The following OSBPL3 variants were observed in gnomAD, a reference collection of about 807,000 sequenced individuals.
OSBPL3 encodes the protein oxysterol binding protein like 3, also known as oxysterol-binding protein-related protein 3.
Under a neutral mutation model 120.1 loss-of-function variants are expected in OSBPL3, and 65 were observed. That is an observed-to-expected ratio of 0.54 (90% CI 0.44 to 0.67). The LOEUF is 0.67. Ranked by LOEUF, OSBPL3 falls within the 30% of genes least tolerant of loss-of-function variation. The pLI is 0.00. For synonymous variants in OSBPL3, 416 were observed against 402.6 expected (o/e 1.03, Z -0.40); for missense variants, 1,004 against 1,082.1 (o/e 0.93, Z 1.01).
In OSBPL3 at chr7:24,936,185, T is replaced by C. The variant is rs1336911566; in HGVS notation, c.-149-43564A>G. Among the ~76,000 whole-genome samples, 3 of 152,110 alleles carry C rather than the reference T, an allele frequency of 2.0e-5. No individual in the cohort carries two copies. The highest frequency in any genetic ancestry group is 4.8e-5 in the African/African-American group (2 of 41,412). On this transcript the variant is annotated intron_variant, in intron 1 of 22. Transcript: ENST00000313367. The surrounding 1 kb of genome is among the most constrained non-coding windows in gnomAD (Gnocchi z 4.2). Reference sequence around the variant, plus strand: ...TTAAGTTACTGGTTCCAGTAAAAGATAAACTTGAAAAGTTCTTCCCCATGA... The same window carrying C: ...TTAAGTTACTGGTTCCAGTAAAAGACAAACTTGAAAAGTTCTTCCCCATGA...
chr7:24,967,614 A>G lies in OSBPL3; in HGVS notation c.-150+12272T>C, dbSNP rs1361915165. 2.0e-5 allele frequency among the ~76,000 whole-genome samples: 3 copies of G among 152,214 alleles called. No homozygotes were observed. Among genetic ancestry groups the G allele is most frequent in the African/African-American group, 7.2e-5 (3 of 41,452 alleles). ...GTGTCTCACTTCCAGCAAATACTTC[A>G]TTAAGAAACTACCATTATTATTATT... On this transcript the variant is annotated intron_variant, in intron 1 of 22. Coordinates refer to ENST00000313367, the MANE Select transcript of OSBPL3 (RefSeq NM_015550.4). This position sits in a 1 kb window ranked among gnomAD's most constrained non-coding sequence, Gnocchi z 5.6.
Position 24,819,166 on chromosome 7 carries a change from T to G in OSBPL3, c.1948+1009A>C, listed in dbSNP as rs1794818484. Among the ~76,000 whole-genome samples, 1 of 147,902 alleles carries G rather than the reference T, an allele frequency of 6.8e-6. No homozygotes were observed. Among genetic ancestry groups the G allele is most frequent in the Non-Finnish European group, 1.5e-5 (1 of 67,648 alleles). Reference sequence around the variant, plus strand: ...TACTCGGGAGGCTGAGACAGGAGAATCACTTGAACACGGGAGACGGAGGTT... The same window carrying G: ...TACTCGGGAGGCTGAGACAGGAGAAGCACTTGAACACGGGAGACGGAGGTT... On this transcript the variant is annotated intron_variant, in intron 17 of 22. Transcript: ENST00000313367. The surrounding 1 kb of genome is among the most constrained non-coding windows in gnomAD (Gnocchi z 4.1).
intron 16 of OSBPL3, among the ~76,000 whole-genome samples, chr7:24,829,315 T>C (rs1796094588): frequency 6.6e-6 from 1 of 152,220 alleles, no homozygotes; most frequent in South Asian, 2.1e-4. Flanking sequence ...TAACTACTGA[T>C]TTAACTCCCT....
rs200585143 is a variant in OSBPL3, at chr7:24,872,448, A to T, written c.97-379T>A. On this transcript the variant is annotated intron_variant, in intron 2 of 22. Transcript: ENST00000313367. This position sits in a 1 kb window ranked among gnomAD's most constrained non-coding sequence, Gnocchi z 4.1. The stretch of plus-strand genomic sequence containing the variant: ...TCAGTCTGAATTTTAACCGAAAGAG[A>T]GTGTGTGTGTGTGTGTGTGTGTGTG... Among the ~76,000 whole-genome samples, 12,656 of 144,960 alleles carry T rather than the reference A, an allele frequency of 0.087. 630 individuals are homozygous for T. Among genetic ancestry groups the T allele is most frequent in the South Asian group, 0.13 (594 of 4,544 alleles).
intron 1 of OSBPL3, among the ~76,000 whole-genome samples, chr7:24,931,461 A>G (rs1387026176): frequency 2.0e-5 from 3 of 152,112 alleles, no homozygotes; most frequent in Non-Finnish European, 4.4e-5. Context: ...GGGCGTCAGG[A>G]GATGTAGAAG....
chr7:24,976,892 T>C (rs1191280013), intron 1 of OSBPL3, among the ~76,000 whole-genome samples: 1 of 152,164 alleles, frequency 6.6e-6, no homozygotes, highest in South Asian at 2.1e-4. Flanking sequence ...AAAGAAGGAA[T>C]CACTAATTCC....
At position 24,824,601 on chromosome 7, in the gene OSBPL3, C is replaced by T. The variant is rs1282924644; in HGVS notation, c.1885-4363G>A. ...CCAAGTGGCCATTCTTTCCAGGTCA[C>T]TCATCAAGTACTTATTGATTGCCTG... On this transcript the variant is annotated intron_variant, in intron 16 of 22. Transcript: ENST00000313367. This position sits in a 1 kb window ranked among gnomAD's most constrained non-coding sequence, Gnocchi z 4.9. Among the ~76,000 whole-genome samples the T allele has an allele frequency of 6.6e-6, 1 of 152,184 alleles. No individual in the cohort carries two copies. Among genetic ancestry groups the T allele is most frequent in the East Asian group, 1.9e-4 (1 of 5,200 alleles).
Position 24,861,738 on chromosome 7 carries a change from A to T in OSBPL3, c.902T>A (p.Leu301Gln). 1 of 1,604,490 alleles carries T rather than the reference A, an allele frequency of 6.2e-7. No individual in the cohort carries two copies. Among genetic ancestry groups the T allele is most frequent in the Non-Finnish European group, 8.5e-7 (1 of 1,176,420 alleles). ...VPKPFSGPVRLHSSNPNLSTL... is the reference protein window; with the variant it reads ...VPKPFSGPVRQHSSNPNLSTL... ...TGACAAATTAGGATTGGAGGAGTGTAGTCTTACTGGGCCAGAAAAAGGTTT... is the reference window on the plus strand; with the variant it reads ...TGACAAATTAGGATTGGAGGAGTGTTGTCTTACTGGGCCAGAAAAAGGTTT... The change falls in exon 10 of 23, where the codon CTA becomes CAA. Residue 301 changes from leucine (L) to glutamine (Q), a missense_variant. By Grantham distance (113) the Leu-to-Gln change is moderately radical. Transcript: ENST00000313367.
rs1800956268 is a variant in OSBPL3 at position 24,863,992 on chromosome 7, C to T, written c.674-393G>A. On this transcript the variant is annotated intron_variant, in intron 7 of 22. Coordinates refer to ENST00000313367, the MANE Select transcript of OSBPL3 (RefSeq NM_015550.4). The surrounding 1 kb of genome is among the most constrained non-coding windows in gnomAD (Gnocchi z 5.8). ...ACAGAGTAAGAACTAAATAAATCAA[C>T]CATCATCATCATCATCATCACCAAC... 6.6e-6 allele frequency among the ~76,000 whole-genome samples: 1 copy of T among 152,042 alleles called. No homozygotes were observed. Among genetic ancestry groups the T allele is most frequent in the Non-Finnish European group, 1.5e-5 (1 of 68,004 alleles).
chr7:24,800,233 G>A lies in OSBPL3; in HGVS notation c.2614C>T (p.Leu872Phe), dbSNP rs1205899513. ...SWVSNGTYLE[L>F]RKDLGFSKLD... ...TTGGAAAAACCAAGATCTTTTCTAA[G>A]TTCCAAATAGGTGCCGTTGCTCACC... is the stretch of plus-strand genomic sequence containing the variant. Residue 872 changes from leucine (L) to phenylalanine (F), a missense_variant, in exon 23 of 23, where the codon CTT (leucine) becomes TTT (phenylalanine). By Grantham distance (22) the Leu-to-Phe change is conservative. This residue lies in a region of OSBPL3 where 473 missense variants were observed against 568.0 expected (regional missense o/e 0.83). Transcript: ENST00000313367. 1.9e-6 allele frequency: 3 copies of A among 1,612,460 alleles called. No homozygotes were observed. Among genetic ancestry groups the A allele is most frequent in the African/African-American group, 2.7e-5 (2 of 74,870 alleles).
At chr7:24,976,926 G>C (rs769269479) in intron 1 of OSBPL3, among the ~76,000 whole-genome samples, 10 of 152,246 alleles carry the variant, frequency 6.6e-5, no homozygotes, top group South Asian at 2.1e-4. Context: ...GTTTTGCCAT[G>C]AGCCCCTTAG....
chr7:24,864,550 A>T lies in OSBPL3; in HGVS notation c.673+792T>A, dbSNP rs530261318. Among the ~76,000 whole-genome samples the T allele has an allele frequency of 3.9e-5, 6 of 152,306 alleles. No individual in the cohort carries two copies. In the East Asian group the frequency reaches 1.2e-3, roughly 29 times the overall value. ...TAAAGCCTACATGGTCCCAAGGGTG[A>T]TATTACCTGTATTCAACAAGAGATA... On this transcript the variant is annotated intron_variant, in intron 7 of 22. Transcript: ENST00000313367.
chr7:24,944,346 T>C (rs1475490477), intron 1 of OSBPL3, among the ~76,000 whole-genome samples: 1 of 152,138 alleles, frequency 6.6e-6, no homozygotes, highest in African/African-American at 2.4e-5. Flanking sequence ...AATGCCATGG[T>C]GGCCGGGCGC....
At position 24,842,423 on chromosome 7, in the gene OSBPL3, G is replaced by A. The variant is rs1338728781; in HGVS notation, c.1267-10C>T. On this transcript the variant is annotated splice_polypyrimidine_tract_variant and intron_variant, in intron 12 of 22. Coordinates refer to ENST00000313367, the MANE Select transcript of OSBPL3 (RefSeq NM_015550.4). ...CATCTCTGGAGTTTTCCTATTTGAA[G>A]AACAAAACCAAAAATGTATACATTT... The A allele has an allele frequency of 2.5e-6, 4 of 1,580,056 alleles. No homozygotes were observed. Among genetic ancestry groups the A allele is most frequent in the Admixed American group, 3.9e-5 (2 of 51,804 alleles).
chr7:24,925,900 G>A (rs879700989), intron 1 of OSBPL3, among the ~76,000 whole-genome samples: 2 of 152,160 alleles, frequency 1.3e-5, no homozygotes, highest in Non-Finnish European at 2.9e-5. Flanking sequence ...TAGTTTCCAC[G>A]GATCACTATA....
Position 24,872,165 on chromosome 7 carries a change from G to A in OSBPL3, c.97-96C>T, listed in dbSNP as rs867433146. On this transcript the variant is annotated intron_variant, in intron 2 of 22. Coordinates refer to ENST00000313367, the MANE Select transcript of OSBPL3 (RefSeq NM_015550.4). This position sits in a 1 kb window ranked among gnomAD's most constrained non-coding sequence, Gnocchi z 4.1. Reference sequence around the variant, plus strand: ...TCCTGTCAGTAAATTTATTCAAGATGGGGAGGCTGGCTGGGTTTGTTGGGG... The same window carrying A: ...TCCTGTCAGTAAATTTATTCAAGATAGGGAGGCTGGCTGGGTTTGTTGGGG... The A allele has an allele frequency of 1.1e-6, 1 of 879,412 alleles. No homozygotes were observed. 54.5% of individuals were successfully genotyped at this position (879,412 alleles called of 1,614,324 possible).
rs79375325 is a variant in OSBPL3 at position 24,926,714 on chromosome 7, C to A, written c.-149-34093G>T. 6.2e-3 allele frequency among the ~76,000 whole-genome samples: 944 copies of A among 152,330 alleles called. 8 individuals are homozygous for A. Among genetic ancestry groups the A allele is most frequent in the African/African-American group, 0.021 (877 of 41,578 alleles). ...CATCCCCAGGCTGGCATGCACCAGG[C>A]TGCCCTTGCATATACCTTGTATATA... On this transcript the variant is annotated intron_variant, in intron 1 of 22. Transcript: ENST00000313367.
At chr7:24,963,814 T>C (rs185359869) in intron 1 of OSBPL3, among the ~76,000 whole-genome samples, 1 of 152,302 alleles carries the variant, frequency 6.6e-6, no homozygotes, top group East Asian at 1.9e-4. Flanking sequence ...TAGTAAACCA[T>C]GTAGTGGGTG....
rs1209066334 is a variant in OSBPL3, at chr7:24,877,602, C to T, written c.97-5533G>A. Reference sequence around the variant, plus strand: ...AAATAGGGGCCGAAATAAATGTTTACTGAATGAGTCTGCAAAGCAAGGGGG... The same window carrying T: ...AAATAGGGGCCGAAATAAATGTTTATTGAATGAGTCTGCAAAGCAAGGGGG... On this transcript the variant is annotated intron_variant, in intron 2 of 22. Transcript: ENST00000313367. The surrounding 1 kb of genome is among the most constrained non-coding windows in gnomAD (Gnocchi z 4.8). Among the ~76,000 whole-genome samples, 2 of 152,156 alleles carry T rather than the reference C, an allele frequency of 1.3e-5. No individual in the cohort carries two copies.
Sources: allele counts gnomAD v4.1 joint callset (sites outside exome capture counted in the v4.1 genomes callset), GRCh38; gene constraint gnomAD v4.1.1; regional missense constraint gnomAD v4.1.1; non-coding constraint Gnocchi (gnomAD v3.1); transcripts MANE v1.5; gene names NCBI Gene and HGNC (gene_info 2026-07-23, HGNC 2026-07-21).